PTPRU: variants seen among roughly 807,000 people sequenced by gnomAD.
PTPRU encodes the protein receptor-type tyrosine-protein phosphatase U.
A neutral mutation model predicts 166.3 loss-of-function variants in PTPRU; 69 were observed. The observed-to-expected ratio is 0.41, with a 90% confidence interval of 0.34 to 0.51. The LOEUF (loss-of-function observed/expected upper bound fraction) is 0.51. Among genes scored for constraint, PTPRU ranks in the 20% least tolerant of loss-of-function variants. The pLI, the probability that PTPRU is intolerant of heterozygous loss-of-function variation, is 0.09. For synonymous variants in PTPRU, 793 were observed against 814.0 expected, an observed-to-expected ratio of 0.97 and a Z score of 0.44; for missense variants, 1,657 against 2,013.7, an observed-to-expected ratio of 0.82 and a Z score of 3.39.
chr1:29,250,866 C>T (rs193259455), intron 1 of PTPRU, among the ~76,000 whole-genome samples: 104 of 152,318 alleles, frequency 6.8e-4, no homozygotes, highest in African/African-American at 2.4e-3. Flanking sequence ...GAGATGTTAC[C>T]CACTATGAGC....
chr1:29,324,167 C>CCCATCCATCCAT (rs373968731), intron 28 of PTPRU, among the ~76,000 whole-genome samples: 1 of 152,068 alleles, frequency 6.6e-6, no homozygotes, highest in Non-Finnish European at 1.5e-5. Context: ...CATCCATCCA[C>CCCATCCATCCAT]CCATCCATCC....
At chr1:29,306,705 C>A (rs1362541565) in intron 18 of PTPRU, among the ~76,000 whole-genome samples, 1 of 152,186 alleles carries the variant, frequency 6.6e-6, no homozygotes, top group Non-Finnish European at 1.5e-5. Context: ...GAGCAAGGCA[C>A]AGGTCTGGGA....
At chr1:29,314,583 A>T (rs558254310) in intron 22 of PTPRU, among the ~76,000 whole-genome samples, 13 of 148,548 alleles carry the variant, frequency 8.8e-5, no homozygotes, top group Admixed American at 6.0e-4. Flanking sequence ...GAATTAATTA[A>T]TTTTTTTTTT....
At chr1:29,293,361 T>C (rs1432402665) in intron 15 of PTPRU, among the ~76,000 whole-genome samples, 16 of 152,236 alleles carry the variant, frequency 1.1e-4, no homozygotes, top group East Asian at 1.9e-4. Flanking sequence ...CTGACCTCAA[T>C]TGATCTGTCC....
In PTPRU at chr1:29,260,116, C is replaced by T; in HGVS notation, c.850+72C>T. 1 of 1,109,492 alleles carries T rather than the reference C, an allele frequency of 9.0e-7. No individual in the cohort carries two copies. The highest frequency in any genetic ancestry group is 1.1e-6 in the Non-Finnish European group (1 of 876,984). The allele number at this position is 1,109,492 out of a possible 1,614,324, so 68.7% of individuals were successfully genotyped here. ...GCGGGGCCGGCGACGGGGGCGGGCTCTGCCCGGGGGCGTGGCCGTGGGGGG... is the reference window on the plus strand; with the variant it reads ...GCGGGGCCGGCGACGGGGGCGGGCTTTGCCCGGGGGCGTGGCCGTGGGGGG... On this transcript the variant is annotated intron_variant, in intron 6 of 29. Coordinates refer to ENST00000373779, the MANE Select transcript of PTPRU (RefSeq NM_133178.4). The surrounding 1 kb of genome is among the most constrained non-coding windows in gnomAD (Gnocchi z 8.3).
At chr1:29,251,692 G>A (rs1056404509) in intron 1 of PTPRU, among the ~76,000 whole-genome samples, 3 of 152,188 alleles carry the variant, frequency 2.0e-5, no homozygotes, top group African/African-American at 7.2e-5. Context: ...TGAACAAGAG[G>A]AAGCCAAGGG....
At chr1:29,288,540 C>A (rs1468935990) in intron 14 of PTPRU, among the ~76,000 whole-genome samples, 2 of 152,176 alleles carry the variant, frequency 1.3e-5, no homozygotes, top group African/African-American at 4.8e-5. Context: ...GCAACAGCCC[C>A]AGCGCCCTAG....
intron 1 of PTPRU, among the ~76,000 whole-genome samples, chr1:29,251,659 C>G (rs1046697647): frequency 6.6e-6 from 1 of 152,124 alleles, no homozygotes; most frequent in Non-Finnish European, 1.5e-5. Flanking sequence ...GAGTCCTGGC[C>G]GTTCGTGTGG....
At position 29,282,804 on chromosome 1, in the gene PTPRU, G is replaced by C; in HGVS notation, c.1997G>C (p.Gly666Ala). 6.2e-7 allele frequency: 1 copy of C among 1,614,118 alleles called. No individual in the cohort carries two copies. The highest frequency in any genetic ancestry group is 8.5e-7 in the Non-Finnish European group (1 of 1,180,004). ...GCCCGAGGCCTGGTGCACTACTTCG[G>C]GGCCGAACTGGCGGCCAGCAGTCTA... Reference protein sequence around the residue: ...ALARGLVHYFGAELAASSLPE... With the variant: ...ALARGLVHYFAAELAASSLPE... The change falls in exon 12 of 30, where the codon GGG (glycine) becomes GCG (alanine). Residue 666 changes from glycine (G) to alanine (A), a missense_variant. Around this residue, in one of 3 missense-constraint regions of PTPRU, gnomAD observed 1,190 missense variants for 1,477.4 expected, o/e 0.81. Transcript: ENST00000373779.
chr1:29,323,828 G>A, intron 28 of PTPRU, 40 bp downstream of exon 28: 1 of 1,607,522 alleles, frequency 6.2e-7, no homozygotes, highest in Non-Finnish European at 8.5e-7. Flanking sequence ...GGAGGGGTTG[G>A]GGAGCCAGGG....
Position 29,275,534 on chromosome 1 carries a change from G to T in PTPRU, c.1231G>T (p.Val411Leu). The part of the protein sequence containing the change: ...TLQWEPLGYN[V>L]TRCHTYTVSL... ...GCAGTGGGAACCACTGGGCTACAAC[G>T]TGACGCGTTGCCACACCTATACTGT... is the stretch of plus-strand genomic sequence containing the variant. Residue 411 changes from valine (V) to leucine (L), a missense_variant, in exon 8 of 30, where the codon GTG (valine) becomes TTG (leucine). By Grantham distance (32) the Val-to-Leu change is conservative (BLOSUM62 1). Coordinates refer to ENST00000373779, the MANE Select transcript of PTPRU (RefSeq NM_133178.4). 1 of 1,614,214 alleles carries T rather than the reference G, an allele frequency of 6.2e-7. No individual in the cohort carries two copies. Among genetic ancestry groups the T allele is most frequent in the East Asian group, 2.2e-5 (1 of 44,888 alleles).
Position 29,310,754 on chromosome 1 carries a change from G to T in PTPRU, c.2831G>T (p.Arg944Met), listed in dbSNP as rs532350399. ...CTCCTCCTGTTCCAGGGTTACCACA[G>T]GTCAAACCACTTCATAGCCACTCAA... is the stretch of plus-strand genomic sequence containing the variant. The part of the protein sequence containing the change: ...INANYIDGYH[R>M]SNHFIATQGP... Residue 944 changes from arginine (R) to methionine (M), a missense_variant, in exon 19 of 30, where the codon AGG (arginine) becomes ATG (methionine). Arg to Met is a moderately conservative substitution (Grantham distance 91). Around this residue, in one of 3 missense-constraint regions of PTPRU, gnomAD observed 1,190 missense variants for 1,477.4 expected, o/e 0.81. Coordinates refer to ENST00000373779, the MANE Select transcript of PTPRU (RefSeq NM_133178.4). 2 of 1,613,922 alleles carry T rather than the reference G, an allele frequency of 1.2e-6. No individual in the cohort carries two copies. Among genetic ancestry groups the T allele is most frequent in the Non-Finnish European group, 1.7e-6 (2 of 1,179,840 alleles).
At chr1:29,284,991 A>T (rs369635604) in intron 14 of PTPRU, 122 bp downstream of exon 14, 1 of 1,317,996 alleles carries the variant, frequency 7.6e-7, no homozygotes, top group African/African-American at 1.5e-5. Flanking sequence ...GAGGGCTGCC[A>T]GCCTGGGCAT....
chr1:29,296,711 A>G (rs919608064), intron 15 of PTPRU, among the ~76,000 whole-genome samples: 6 of 148,908 alleles, frequency 4.0e-5, no homozygotes, highest in Non-Finnish European at 8.9e-5. Flanking sequence ...TTGTAGAGAC[A>G]GGGTTTTGTC....
intron 16 of PTPRU, among the ~76,000 whole-genome samples, chr1:29,304,492 C>T (rs1040933930): frequency 1.3e-5 from 2 of 152,188 alleles, no homozygotes; most frequent in Admixed American, 6.5e-5. Context: ...TCTTTCTAAC[C>T]GTTATTCTAA....
At chr1:29,285,956 C>G (rs1222116649) in intron 14 of PTPRU, among the ~76,000 whole-genome samples, 1 of 152,240 alleles carries the variant, frequency 6.6e-6, no homozygotes, top group Non-Finnish European at 1.5e-5. Context: ...GAGGCAGAGC[C>G]AGCTCCACCC....
rs1686608196 is a variant in PTPRU, at chr1:29,291,122, G to C, written c.2319-747G>C. ...ACAAACTGCCATCCTCATCCGTGAA[G>C]CTGGGCCTGGAGGGAGAGGAGGTCT... is the stretch of plus-strand genomic sequence containing the variant. On this transcript the variant is annotated intron_variant, in intron 14 of 29. Transcript: ENST00000373779. This position sits in a 1 kb window ranked among gnomAD's most constrained non-coding sequence, Gnocchi z 4.1. 1.3e-5 allele frequency among the ~76,000 whole-genome samples: 2 copies of C among 152,222 alleles called. No individual in the cohort carries two copies. The highest frequency in any genetic ancestry group is 2.9e-5 in the Non-Finnish European group (2 of 68,036).
rs1687848271 is a variant in PTPRU, at chr1:29,315,295, CCCT to C, written c.3228-72_3228-70del. ...CTGTATGGTGTAGACATGGCCAGTGCCCTCCTCTCTTCTTCTCCTTAGTCCCGG... is the reference window on the plus strand; with the variant it reads ...CTGTATGGTGTAGACATGGCCAGTGCCCTCTCTTCTTCTCCTTAGTCCCGG... On this transcript the variant is annotated intron_variant, in intron 22 of 29. Transcript: ENST00000373779. The surrounding 1 kb of genome is among the most constrained non-coding windows in gnomAD (Gnocchi z 4.5). 3 of 1,510,292 alleles carry C rather than the reference CCCT, an allele frequency of 2.0e-6. No homozygotes were observed. The highest frequency in any genetic ancestry group is 2.3e-5 in the South Asian group (2 of 88,082). The allele number at this position is 1,510,292 out of a possible 1,614,324, so 93.6% of individuals were successfully genotyped here.
chr1:29,310,931 CT>C, intron 19 of PTPRU, 151 bp downstream of exon 19: 2 of 996,442 alleles, frequency 2.0e-6, no homozygotes, highest in South Asian at 2.6e-5. Flanking sequence ...GCTTGTTCAT[CT>C]GCTCCCGATT....
Sources: allele counts gnomAD v4.1 joint callset (sites outside exome capture counted in the v4.1 genomes callset), GRCh38; gene constraint gnomAD v4.1.1; regional missense constraint gnomAD v4.1.1; non-coding constraint Gnocchi (gnomAD v3.1); transcripts MANE v1.5; gene names NCBI Gene and HGNC (gene_info 2026-07-23, HGNC 2026-07-21).